Variants in NCK1 observed in about 807,000 individuals in gnomAD.
NCK1 encodes the protein NCK adaptor protein 1.
Under a neutral mutation model 36.6 loss-of-function variants are expected in NCK1, and 19 were observed. The observed-to-expected ratio is 0.52, with a 90% confidence interval of 0.36 to 0.76. The LOEUF is 0.76. Ranked by LOEUF, NCK1 falls within the 30% of genes least tolerant of loss-of-function variation. The pLI is 0.00. For missense variants in NCK1, 358 were observed against 445.6 expected (o/e 0.80, Z 1.77); for synonymous variants, 165 against 156.0 (o/e 1.06, Z -0.43).
chr3:136,924,295 A>T (rs901982899), intron 1 of NCK1, among the ~76,000 whole-genome samples: 3 of 152,240 alleles, frequency 2.0e-5, no homozygotes, highest in African/African-American at 7.2e-5. Context: ...CTCTAGAAAT[A>T]ATTACCAGTT....
intron 1 of NCK1, among the ~76,000 whole-genome samples, chr3:136,915,122 G>A (rs750281139): frequency 2.0e-5 from 3 of 152,094 alleles, no homozygotes; most frequent in Admixed American, 6.6e-5. Context: ...TTTCTTTATA[G>A]ATTAGCCTCA....
At chr3:136,885,855 T>C (rs9815771) in intron 1 of NCK1, among the ~76,000 whole-genome samples, 103,697 of 152,028 alleles carry the variant, frequency 0.68, 35,653 homozygotes, top group East Asian at 0.87. Flanking sequence ...ATAAGAGATA[T>C]GTTCTTTTTA....
chr3:136,899,412 T>A (rs1232085775), intron 1 of NCK1: 1 of 196,992 alleles, frequency 5.1e-6, no homozygotes, highest in Non-Finnish European at 9.9e-6. Flanking sequence ...TTACCTTCAT[T>A]TCTTTTCTTT....
rs1475751928 is a variant in NCK1 at position 136,945,905 on chromosome 3, C to CA, written c.551dup (p.Asn184LysfsTer2). ...TGTCAGAGAAATTAGCAGCAGTCGT[C>CA]AATAACCTAAATACTGGGCAAGTGT... On this transcript the variant is annotated frameshift_variant, in exon 3 of 4. Coordinates refer to ENST00000481752, the MANE Select transcript of NCK1 (RefSeq NM_001291999.2). LOFTEE classifies it high-confidence loss of function. 1 of 1,613,922 alleles carries CA rather than the reference C, an allele frequency of 6.2e-7. No individual in the cohort carries two copies. The highest frequency in any genetic ancestry group is 8.5e-7 in the Non-Finnish European group (1 of 1,180,036).
chr3:136,901,076 G>C (rs1939529292), intron 1 of NCK1, among the ~76,000 whole-genome samples: 1 of 152,090 alleles, frequency 6.6e-6, no homozygotes, highest in African/African-American at 2.4e-5. Flanking sequence ...GTTGAAGTAT[G>C]TTTCTTTTAT....
intron 1 of NCK1, among the ~76,000 whole-genome samples, chr3:136,873,305 A>T (rs1938679120): frequency 6.6e-6 from 1 of 152,092 alleles, no homozygotes; most frequent in African/African-American, 2.4e-5. Flanking sequence ...TTAAGATTTG[A>T]CTGCCCTGCT....
Position 136,940,410 on chromosome 3 carries a change from A to T in NCK1, c.227-5173A>T, listed in dbSNP as rs1388727526. ...TATATTGAACTATTTTTCTCCCTCA[A>T]TTCTGTCATTTTTTGCTTTATATGC... is the stretch of plus-strand genomic sequence containing the variant. On this transcript the variant is annotated intron_variant, in intron 2 of 3. Transcript: ENST00000481752. Among the ~76,000 whole-genome samples the T allele has an allele frequency of 2.0e-5, 3 of 152,030 alleles. No individual in the cohort carries two copies. The East Asian group carries it at 5.8e-4, about 29-fold the overall frequency.
At chr3:136,874,688 T>C (rs1363159325) in intron 1 of NCK1, among the ~76,000 whole-genome samples, 1 of 152,206 alleles carries the variant, frequency 6.6e-6, no homozygotes, top group East Asian at 1.9e-4. Flanking sequence ...ATCTTTTTTT[T>C]CCCTTTCCAT....
At chr3:136,907,849 T>C (rs1431707069) in intron 1 of NCK1, among the ~76,000 whole-genome samples, 1 of 152,214 alleles carries the variant, frequency 6.6e-6, no homozygotes, top group East Asian at 1.9e-4. Context: ...TTACCTATTG[T>C]CCTCAGTGCT....
chr3:136,916,035 A>G (rs1393746195), intron 1 of NCK1, among the ~76,000 whole-genome samples: 1 of 152,030 alleles, frequency 6.6e-6, no homozygotes, highest in Non-Finnish European at 1.5e-5. Flanking sequence ...CTAGCCAAAC[A>G]CTTTTAAACA....
chr3:136,909,301 T>C (rs2108109169), intron 1 of NCK1, among the ~76,000 whole-genome samples: 1 of 152,272 alleles, frequency 6.6e-6, no homozygotes, highest in African/African-American at 2.4e-5. Flanking sequence ...AATTGGGTCT[T>C]AAAAATACGT....
chr3:136,877,779 ACTT>A (rs1164533094), intron 1 of NCK1, among the ~76,000 whole-genome samples: 10 of 152,176 alleles, frequency 6.6e-5, no homozygotes, highest in Non-Finnish European at 1.3e-4. Context: ...AGTAGAAAAT[ACTT>A]CTTAGGCTCA....
At chr3:136,895,956 CTTTG>C (rs1210137829) in intron 1 of NCK1, among the ~76,000 whole-genome samples, 1 of 152,090 alleles carries the variant, frequency 6.6e-6, no homozygotes, top group Non-Finnish European at 1.5e-5. Flanking sequence ...TGTCATCTTG[CTTTG>C]TTTGCCATCC....
chr3:136,863,828 G>C (rs1252682013), intron 1 of NCK1, among the ~76,000 whole-genome samples: 3 of 151,950 alleles, frequency 2.0e-5, no homozygotes, highest in African/African-American at 7.3e-5. Flanking sequence ...GAGTCCAGGC[G>C]GGGTAGCTCA....
intron 1 of NCK1, among the ~76,000 whole-genome samples, chr3:136,905,428 C>CT (rs76657771): frequency 1.3e-3 from 189 of 146,078 alleles, no homozygotes; most frequent in Middle Eastern, 3.7e-3. Context: ...TCTCTTGTAT[C>CT]TTTTTTTTTT....
At chr3:136,874,186 C>T (rs1351750990) in intron 1 of NCK1, among the ~76,000 whole-genome samples, 1 of 151,934 alleles carries the variant, frequency 6.6e-6, no homozygotes, top group Admixed American at 6.6e-5. Flanking sequence ...ATTTTTTATA[C>T]TTTTTTTGAG....
At chr3:136,886,244 T>A (rs961067699) in intron 1 of NCK1, among the ~76,000 whole-genome samples, 2 of 152,100 alleles carry the variant, frequency 1.3e-5, no homozygotes, top group Non-Finnish European at 2.9e-5. Flanking sequence ...TATATAGTTA[T>A]CCTTTTTTTT....
intron 1 of NCK1, among the ~76,000 whole-genome samples, chr3:136,874,878 T>G (rs1042493578): frequency 6.6e-6 from 1 of 152,190 alleles, no homozygotes; most frequent in Non-Finnish European, 1.5e-5. Flanking sequence ...GCCTTCAGAA[T>G]TCTGAAGGCC....
chr3:136,902,198 T>TTTTTTTTTTTG (rs1939561830), intron 1 of NCK1, among the ~76,000 whole-genome samples: 1 of 131,498 alleles, frequency 7.6e-6, no homozygotes, highest in Non-Finnish European at 1.6e-5. Flanking sequence ...TTTTTTTTTT[T>TTTTTTTTTTTG]TTTTGTTTTT....
Sources: gnomAD v4.1 joint callset for allele counts (sites outside exome capture counted in the v4.1 genomes callset) on GRCh38, gnomAD v4.1.1 for gene constraint, MANE v1.5 for transcripts, NCBI Gene and HGNC (gene_info 2026-07-23, HGNC 2026-07-21) for gene names.